The following NAA11 variants were observed in gnomAD, a reference collection of about 807,000 sequenced individuals.
The protein encoded by NAA11 is N-alpha-acetyltransferase 11.
NAA11 carries 15 observed loss-of-function variants against 16.1 expected under a neutral mutation model. The observed-to-expected ratio is 0.93, with a 90% CI of 0.62 to 1.44. The LOEUF (loss-of-function observed/expected upper bound fraction) is 1.44. Ranked by LOEUF, NAA11 falls within the 40% of genes most tolerant of loss-of-function variation. The probability of loss-of-function intolerance (pLI) is 0.00; values close to 1 mark genes in which losing one functional copy is unlikely to be tolerated. For synonymous variants in NAA11, 122 were observed against 112.4 expected, an observed-to-expected ratio of 1.09 and a Z score of -0.54; for missense variants, 298 against 291.3, an observed-to-expected ratio of 1.02 and a Z score of -0.17.
the NAA11 span, among the ~76,000 whole-genome samples, chr4:79,198,129 A>G: frequency 6.6e-6 from 1 of 151,892 alleles, no homozygotes; most frequent in Admixed American, 6.6e-5. Context: ...TGCTTTCTGA[A>G]GTGATAATTA....
the NAA11 span, among the ~76,000 whole-genome samples, chr4:79,171,685 A>C: frequency 4.6e-5 from 7 of 152,174 alleles, no homozygotes; most frequent in Admixed American, 1.3e-4. Context: ...GGTAACATAG[A>C]TCTTATAATT....
chr4:79,217,597 A>C, the NAA11 span, among the ~76,000 whole-genome samples: 1 of 152,202 alleles, frequency 6.6e-6, no homozygotes, highest in Non-Finnish European at 1.5e-5. Flanking sequence ...AATTTTGGGA[A>C]GATCAAAGGA....
At chr4:79,188,971 C>T in the NAA11 span, among the ~76,000 whole-genome samples, 1 of 151,618 alleles carries the variant, frequency 6.6e-6, no homozygotes, top group Non-Finnish European at 1.5e-5. Context: ...GTGGCTCACG[C>T]CTGTAATCGC....
chr4:79,184,017 C>A, the NAA11 span, among the ~76,000 whole-genome samples: 1 of 152,130 alleles, frequency 6.6e-6, no homozygotes, highest in Non-Finnish European at 1.5e-5. Context: ...ATTCTCAGTG[C>A]TATCTACATT....
At chr4:79,234,837 A>G (rs1300726215) in intron 2 of NAA11, among the ~76,000 whole-genome samples, 2 of 152,138 alleles carry the variant, frequency 1.3e-5, no homozygotes, top group Non-Finnish European at 2.9e-5. Context: ...TCTTTGAACA[A>G]ACTACTAAGG....
chr4:79,325,698 C>A lies in NAA11; in HGVS notation c.180G>T (p.Met60Ile). ...GCGGGACATCATCTGGTTCCTCCTC[C>A]ATTTTGGCCAGAACATAGCCCACAA... ...GKIVGYVLAK[M>I]EEEPDDVPHG... Residue 60 changes from methionine (M) to isoleucine (I), a missense_variant, in exon 1 of 2, where the codon ATG becomes ATT. Coordinates refer to ENST00000286794, the MANE Select transcript of NAA11 (RefSeq NM_032693.3). 1 of 1,614,200 alleles carries A rather than the reference C, an allele frequency of 6.2e-7. No homozygotes were observed. Among genetic ancestry groups the A allele is most frequent in the Non-Finnish European group, 8.5e-7 (1 of 1,180,026 alleles).
intron 2 of NAA11, among the ~76,000 whole-genome samples, chr4:79,246,377 T>TAAAA (rs869224539): frequency 2.1e-3 from 48 of 22,382 alleles, no homozygotes; most frequent in African/African-American, 5.0e-3. Flanking sequence ...CAATAAATAC[T>TAAAA]AAAAAAAAAA....
At chr4:79,208,199 A>G in the NAA11 span, among the ~76,000 whole-genome samples, 1 of 152,178 alleles carries the variant, frequency 6.6e-6, no homozygotes, top group Non-Finnish European at 1.5e-5. Flanking sequence ...TTTTTTCCTC[A>G]CTTGGCCTCT....
intron 2 of NAA11, among the ~76,000 whole-genome samples, chr4:79,286,968 AG>A (rs1486484129): frequency 9.9e-5 from 15 of 152,254 alleles, no homozygotes; most frequent in Non-Finnish European, 2.1e-4. Flanking sequence ...TATGGATTAA[AG>A]ATGGTATGGT....
At chr4:79,205,103 T>C in the NAA11 span, among the ~76,000 whole-genome samples, 9 of 152,064 alleles carry the variant, frequency 5.9e-5, no homozygotes, top group African/African-American at 2.2e-4. Context: ...ACCTTCACAA[T>C]TGTGAAATGT....
At chr4:79,288,557 T>G (rs1456968731) in intron 2 of NAA11, among the ~76,000 whole-genome samples, 1 of 152,186 alleles carries the variant, frequency 6.6e-6, no homozygotes, top group Non-Finnish European at 1.5e-5. Context: ...TGCTTGTGTA[T>G]GCAAACATAG....
At chr4:79,267,158 C>T (rs1014796654) in intron 2 of NAA11, among the ~76,000 whole-genome samples, 6 of 152,182 alleles carry the variant, frequency 3.9e-5, no homozygotes, top group East Asian at 1.9e-4. Context: ...AATTCATTTA[C>T]GTAGTTTGAT....
At chr4:79,204,524 T>TCCC in the NAA11 span, among the ~76,000 whole-genome samples, 7 of 128,978 alleles carry the variant, frequency 5.4e-5, no homozygotes, top group African/African-American at 2.1e-4. Context: ...CCTCCCTCCC[T>TCCC]TCCTCCCTCC....
chr4:79,314,839 TATATC>T (rs1361890522), downstream of NAA11, among the ~76,000 whole-genome samples: 23 of 152,168 alleles, frequency 1.5e-4, 1 homozygote, highest in Non-Finnish European at 1.0e-4. Flanking sequence ...GCAAAATTGT[TATATC>T]AAAGCATCCT....
chr4:79,243,319 C>A (rs1721735859), intron 2 of NAA11, among the ~76,000 whole-genome samples: 1 of 152,174 alleles, frequency 6.6e-6, no homozygotes, highest in Non-Finnish European at 1.5e-5. Flanking sequence ...AGGAAGGGTG[C>A]TCCCTTTCCT....
chr4:79,221,042 T>C (rs1226737154), downstream of NAA11, among the ~76,000 whole-genome samples: 1 of 151,784 alleles, frequency 6.6e-6, no homozygotes, highest in Non-Finnish European at 1.5e-5. Context: ...TATCCTCTTT[T>C]ATTTCCTTGA....
chr4:79,191,878 C>T, the NAA11 span, among the ~76,000 whole-genome samples: 1 of 152,108 alleles, frequency 6.6e-6, no homozygotes, highest in African/African-American at 2.4e-5. Flanking sequence ...AGAGGGGGGT[C>T]CAACTTCAAT....
At chr4:79,201,895 T>G in the NAA11 span, among the ~76,000 whole-genome samples, 1 of 151,770 alleles carries the variant, frequency 6.6e-6, no homozygotes, top group African/African-American at 2.4e-5. Flanking sequence ...CTGTCTTTTC[T>G]TTTTTTAAGT....
At chr4:79,294,582 T>A (rs1417234868) in intron 1 of NAA11, among the ~76,000 whole-genome samples, 1 of 152,346 alleles carries the variant, frequency 6.6e-6, no homozygotes, top group East Asian at 1.9e-4. Flanking sequence ...TCTTTGATAT[T>A]TCTAATATTT....
Sources: allele counts gnomAD v4.1 joint callset (sites outside exome capture counted in the v4.1 genomes callset), GRCh38; gene constraint gnomAD v4.1.1; transcripts MANE v1.5; gene names NCBI Gene and HGNC (gene_info 2026-07-23, HGNC 2026-07-21).